Variants in CLASP1 observed in about 807,000 individuals in gnomAD.
CLASP1 encodes the protein CLIP-associating protein 1.
CLASP1 carries 38 observed loss-of-function variants against 192.3 expected under a neutral mutation model. That is an observed-to-expected ratio of 0.20 (90% CI 0.15 to 0.26). The LOEUF (loss-of-function observed/expected upper bound fraction) is 0.26. Ranked by LOEUF, CLASP1 falls within the 10% of genes least tolerant of loss-of-function variation. CLASP1 has a pLI of 1.00. For missense variants in CLASP1, 1,433 were observed against 1,932.5 expected, an observed-to-expected ratio of 0.74 and a Z score of 4.85; for synonymous variants, 691 against 712.8, an observed-to-expected ratio of 0.97 and a Z score of 0.49.
chr2:121,409,580 C>A (rs2077395328), intron 24 of CLASP1, among the ~76,000 whole-genome samples: 1 of 152,188 alleles, frequency 6.6e-6, no homozygotes, highest in Non-Finnish European at 1.5e-5. Context: ...TAGAACTTTA[C>A]ACACAGTCCC....
intron 2 of CLASP1, among the ~76,000 whole-genome samples, chr2:121,560,706 G>A (rs1025728529): frequency 2.6e-5 from 4 of 152,142 alleles, no homozygotes; most frequent in Non-Finnish European, 5.9e-5. Flanking sequence ...GTTAAATGCT[G>A]GGTGCATGGA....
chr2:121,385,107 T>C (rs1006320778), intron 32 of CLASP1, among the ~76,000 whole-genome samples: 1 of 152,246 alleles, frequency 6.6e-6, no homozygotes, highest in Non-Finnish European at 1.5e-5. Flanking sequence ...TAGTCAATTC[T>C]ATTTAGTGCA....
intron 2 of CLASP1, among the ~76,000 whole-genome samples, chr2:121,534,877 T>A (rs1165236805): frequency 6.6e-6 from 1 of 152,150 alleles, no homozygotes; most frequent in Non-Finnish European, 1.5e-5. Flanking sequence ...CAACCAAAGA[T>A]AACCAGTCAC....
chr2:121,576,200 T>TA (rs1344557939), intron 2 of CLASP1, among the ~76,000 whole-genome samples: 9 of 152,074 alleles, frequency 5.9e-5, no homozygotes, highest in South Asian at 2.1e-4. Context: ...ATTTTTTTTT[T>TA]AAAAAAAGGG....
chr2:121,507,493 A>C (rs888161766), intron 7 of CLASP1, among the ~76,000 whole-genome samples: 19 of 152,222 alleles, frequency 1.2e-4, no homozygotes, highest in African/African-American at 4.6e-4. Context: ...GTCCCAGGAA[A>C]ACAGAAAAAA....
At chr2:121,348,815 C>T in intron 37 of CLASP1, 97 bp from the exon 39 acceptor site, 3 of 1,092,502 alleles carry the variant, frequency 2.7e-6, no homozygotes, top group East Asian at 5.2e-5. Context: ...AGGACAATGA[C>T]CTCAATGTCA....
At chr2:121,387,411 C>T (rs1481381490) in intron 31 of CLASP1, among the ~76,000 whole-genome samples, 183 bp from the exon 33 acceptor site, 1 of 151,892 alleles carries the variant, frequency 6.6e-6, no homozygotes, top group Middle Eastern at 3.2e-3. Context: ...GAATAATCAT[C>T]ATACAAGCAC....
intron 1 of CLASP1, among the ~76,000 whole-genome samples, chr2:121,646,243 G>A (rs2073162328): frequency 6.6e-6 from 1 of 152,122 alleles, no homozygotes. Flanking sequence ...CCCCCAAGTA[G>A]TTGGGACTAC....
At chr2:121,393,113 C>T (rs1006662303) in intron 30 of CLASP1, among the ~76,000 whole-genome samples, 1 of 152,170 alleles carries the variant, frequency 6.6e-6, no homozygotes, top group Non-Finnish European at 1.5e-5. Context: ...CTTTCACAAA[C>T]ATGGTTGTAT....
chr2:121,621,932 T>C (rs2067434723), intron 1 of CLASP1, among the ~76,000 whole-genome samples: 1 of 152,034 alleles, frequency 6.6e-6, no homozygotes, highest in Non-Finnish European at 1.5e-5. Context: ...ACTGCAAACT[T>C]TGCCTCCCAG....
At chr2:121,530,899 T>A in intron 2 of CLASP1, 1 of 695,334 alleles carries the variant, frequency 1.4e-6, no homozygotes, top group East Asian at 2.7e-5. Flanking sequence ...TTTCTTGGGG[T>A]TGCGCTACTG....
intron 15 of CLASP1, 32 bp downstream of exon 15, chr2:121,451,758 G>A (rs1359654638): frequency 1.3e-6 from 2 of 1,544,370 alleles, no homozygotes; most frequent in East Asian, 2.4e-5. Flanking sequence ...GCTCAATTCA[G>A]AGGGAAAAAT....
intron 7 of CLASP1, among the ~76,000 whole-genome samples, chr2:121,513,432 ATT>A (rs1245331403): frequency 2.7e-5 from 4 of 147,116 alleles, no homozygotes; most frequent in African/African-American, 7.4e-5. Context: ...TTTTTATTTT[ATT>A]TTTTTTTTTT....
intron 2 of CLASP1, among the ~76,000 whole-genome samples, chr2:121,588,886 C>T (rs1028114837): frequency 6.6e-5 from 10 of 152,138 alleles, no homozygotes; most frequent in Non-Finnish European, 5.9e-5. Context: ...TGAGTGGGAG[C>T]GACCATTTTC....
intron 12 of CLASP1, among the ~76,000 whole-genome samples, chr2:121,459,189 T>G (rs1380287379): frequency 9.9e-5 from 15 of 151,820 alleles, no homozygotes; most frequent in Admixed American, 9.9e-4. Flanking sequence ...AACTAGTCTG[T>G]GGAGCTTTTT....
chr2:121,557,831 C>T (rs1205063317), intron 2 of CLASP1, among the ~76,000 whole-genome samples: 1 of 151,476 alleles, frequency 6.6e-6, no homozygotes, highest in Non-Finnish European at 1.5e-5. Flanking sequence ...GCCTGTAATC[C>T]TAGCACTTTG....
intron 19 of CLASP1, among the ~76,000 whole-genome samples, chr2:121,434,494 G>A (rs995586688): frequency 2.6e-5 from 4 of 151,838 alleles, no homozygotes; most frequent in Admixed American, 6.6e-5. Flanking sequence ...TCAAACTCCT[G>A]GCCTCAAGCA....
At chr2:121,622,462 A>G (rs1189352247) in intron 1 of CLASP1, among the ~76,000 whole-genome samples, 1 of 151,740 alleles carries the variant, frequency 6.6e-6, no homozygotes, top group Non-Finnish European at 1.5e-5. Flanking sequence ...CCAACTACTC[A>G]GGAGGCTAAG....
At chr2:121,462,446 C>G (rs927186072) in intron 10 of CLASP1, 86 bp downstream of exon 10, 3 of 751,198 alleles carry the variant, frequency 4.0e-6, no homozygotes, top group Non-Finnish European at 6.7e-6. Flanking sequence ...ACCTAGTAAA[C>G]AACATTACAT....
Sources: gnomAD v4.1 joint callset for allele counts (sites outside exome capture counted in the v4.1 genomes callset) on GRCh38, gnomAD v4.1.1 for gene constraint, MANE v1.5 for transcripts, NCBI Gene and HGNC (gene_info 2026-07-23, HGNC 2026-07-21) for gene names.